Variants in GRAMD1B observed in about 807,000 individuals in gnomAD.
GRAMD1B encodes the protein GRAM domain containing 1B.
A neutral mutation model predicts 99.7 loss-of-function variants in GRAMD1B; 37 were observed. The observed-to-expected ratio is 0.37, with a 90% CI of 0.29 to 0.49. GRAMD1B has a LOEUF of 0.49. Ranked by LOEUF, GRAMD1B falls within the 20% of genes least tolerant of loss-of-function variation. The pLI is 0.98. For missense variants in GRAMD1B, 888 were observed against 1,009.2 expected (o/e 0.88, Z 1.63); for synonymous variants, 427 against 387.6 (o/e 1.10, Z -1.19).
At chr11:123,399,962 A>G (rs1197097929) in intron 1 of GRAMD1B, among the ~76,000 whole-genome samples, 1 of 152,004 alleles carries the variant, frequency 6.6e-6, no homozygotes, top group African/African-American at 2.4e-5. Flanking sequence ...GTAATATCTC[A>G]TTGTTGTTTT....
At chr11:123,598,784 A>C in intron 7 of GRAMD1B, 1 of 962,508 alleles carries the variant, frequency 1.0e-6, no homozygotes, top group Non-Finnish European at 1.7e-6. Context: ...GAAAGATCCC[A>C]TTCTCCCATT....
chr11:123,447,333 A>T (rs1949688364), intron 1 of GRAMD1B, among the ~76,000 whole-genome samples: 1 of 152,210 alleles, frequency 6.6e-6, no homozygotes, highest in African/African-American at 2.4e-5. Context: ...GTCTAGGGCC[A>T]TGAAGCTGGT....
At chr11:123,477,481 A>G (rs1343923948) in intron 1 of GRAMD1B, among the ~76,000 whole-genome samples, 1 of 151,790 alleles carries the variant, frequency 6.6e-6, no homozygotes, top group African/African-American at 2.4e-5. Context: ...TTGCAGTGTT[A>G]AGGCATCTTT....
intron 2 of GRAMD1B, among the ~76,000 whole-genome samples, chr11:123,563,363 G>A (rs2136038361): frequency 6.6e-6 from 1 of 152,236 alleles, no homozygotes; most frequent in Middle Eastern, 3.4e-3. Context: ...TCAGAGAATA[G>A]GTTTAAGGAA....
chr11:123,368,506 C>T (rs1946403034), intron 1 of GRAMD1B, among the ~76,000 whole-genome samples: 2 of 150,288 alleles, frequency 1.3e-5, no homozygotes, highest in African/African-American at 4.9e-5. Context: ...ATGGTGAAAC[C>T]CCATCTCTAC....
chr11:123,586,701 G>A (rs1950113800), intron 4 of GRAMD1B, among the ~76,000 whole-genome samples: 1 of 152,202 alleles, frequency 6.6e-6, no homozygotes, highest in African/African-American at 2.4e-5. Flanking sequence ...CCCTTGCCCT[G>A]CCCCTGCTGC....
intron 1 of GRAMD1B, among the ~76,000 whole-genome samples, chr11:123,469,210 C>T (rs913775854): frequency 6.6e-6 from 1 of 152,032 alleles, no homozygotes; most frequent in Non-Finnish European, 1.5e-5. Flanking sequence ...GCTGTTACTG[C>T]TCAGATAAGG....
intron 2 of GRAMD1B, among the ~76,000 whole-genome samples, chr11:123,549,163 A>G (rs1945359493): frequency 6.6e-6 from 1 of 152,222 alleles, no homozygotes. Flanking sequence ...TGTGGTCAGC[A>G]TGGCTGCCTT....
intron 2 of GRAMD1B, among the ~76,000 whole-genome samples, chr11:123,570,046 T>C (rs1947889388): frequency 6.6e-6 from 1 of 152,234 alleles, no homozygotes; most frequent in Admixed American, 6.5e-5. Flanking sequence ...TGGTGGACAC[T>C]GCACAGCTGT....
At chr11:123,382,747 G>A (rs545869592) in intron 1 of GRAMD1B, among the ~76,000 whole-genome samples, 1 of 152,208 alleles carries the variant, frequency 6.6e-6, no homozygotes, top group African/African-American at 2.4e-5. Flanking sequence ...CTCTTTAAAG[G>A]TGTGGGTAAA....
Position 123,610,122 on chromosome 11 carries a change from G to C in GRAMD1B, c.1777-74G>C, listed in dbSNP as rs557097177. ...AGCCGTGGGGTGGGGTGGGCTTGGG[G>C]AGGCTGGAGAAGGTGCTTTTCCAAG... On this transcript the variant is annotated intron_variant, in intron 13 of 19. Transcript: ENST00000635736. The surrounding 1 kb of genome is among the most constrained non-coding windows in gnomAD (Gnocchi z 4.1). The C allele has an allele frequency of 1.7e-5, 24 of 1,443,850 alleles. No individual in the cohort carries two copies. The South Asian group carries it at 2.8e-4, about 17-fold the overall frequency. The allele number at this position is 1,443,850 out of a possible 1,614,324, so 89.4% of individuals were successfully genotyped here. A position where few individuals can be genotyped will look rare whatever the true frequency, so the allele number is the denominator to read the frequency against.
At chr11:123,374,245 C>G (rs1946621921) in intron 1 of GRAMD1B, among the ~76,000 whole-genome samples, 1 of 152,146 alleles carries the variant, frequency 6.6e-6, no homozygotes. Flanking sequence ...TTCATTCTCC[C>G]CTGCCCCAGT....
Position 123,547,604 on chromosome 11 carries a change from G to A in GRAMD1B, c.453-29763G>A, listed in dbSNP as rs569883224. Among the ~76,000 whole-genome samples, 9 of 152,256 alleles carry A rather than the reference G, an allele frequency of 5.9e-5. No homozygotes were observed. In the South Asian group the frequency reaches 1.9e-3, roughly 32 times the overall value. ...AAAAAAAAGACCTTTCTCCCCTTTT[G>A]CTTCCCCTCTCTCTTCCTCCTCTGA... On this transcript the variant is annotated intron_variant, in intron 2 of 19. Coordinates refer to ENST00000635736, the MANE Select transcript of GRAMD1B (RefSeq NM_001387025.1).
chr11:123,598,222 C>T (rs906324724), intron 7 of GRAMD1B: 7 of 1,411,058 alleles, frequency 5.0e-6, no homozygotes, highest in Non-Finnish European at 7.0e-6. Flanking sequence ...GTAGTTTCCA[C>T]AGATCTCACA....
At chr11:123,468,584 A>G (rs1950822551) in intron 1 of GRAMD1B, among the ~76,000 whole-genome samples, 1 of 152,118 alleles carries the variant, frequency 6.6e-6, no homozygotes, top group Non-Finnish European at 1.5e-5. Flanking sequence ...CCTTGAGTCC[A>G]GGAGTTCAAG....
At chr11:123,542,902 C>T (rs1944684650) in intron 2 of GRAMD1B, among the ~76,000 whole-genome samples, 1 of 152,178 alleles carries the variant, frequency 6.6e-6, no homozygotes, top group South Asian at 2.1e-4. Flanking sequence ...GATCCACTCG[C>T]CTCAGCCTCC....
rs903410002 is a variant in GRAMD1B at position 123,627,001 on chromosome 11, T to A, written c.*4406T>A. 1.3e-5 allele frequency: 2 copies of A among 152,278 alleles called. No individual in the cohort carries two copies. The highest frequency in any genetic ancestry group is 4.8e-5 in the African/African-American group (2 of 41,446). 9.4% of individuals were successfully genotyped at this position (152,278 alleles called of 1,614,324 possible). A position where few individuals can be genotyped will look rare whatever the true frequency, so the allele number is the denominator to read the frequency against. ...TGTGAAGGGCCCAGCCAGCTCCCTG[T>A]TTTGATGTTCTGTGCAACAGCTCCG... On this transcript the variant is annotated 3_prime_UTR_variant, in exon 20 of 20. Coordinates refer to ENST00000635736, the MANE Select transcript of GRAMD1B (RefSeq NM_001387025.1).
chr11:123,583,462 G>C (rs1278713762), intron 3 of GRAMD1B, among the ~76,000 whole-genome samples: 1 of 152,100 alleles, frequency 6.6e-6, no homozygotes, highest in Admixed American at 6.5e-5. Context: ...GTATGAGTAT[G>C]TGTGTGTATA....
chr11:123,599,103 C>T (rs1291597529), intron 7 of GRAMD1B: 18 of 886,536 alleles, frequency 2.0e-5, no homozygotes, highest in South Asian at 2.6e-5. Context: ...TGGATTCTCT[C>T]GAGCCTTCAG....
Sources: gnomAD v4.1 joint callset for allele counts (sites outside exome capture counted in the v4.1 genomes callset) on GRCh38, gnomAD v4.1.1 for gene constraint, Gnocchi (gnomAD v3.1) non-coding constraint, MANE v1.5 for transcripts, NCBI Gene and HGNC (gene_info 2026-07-23, HGNC 2026-07-21) for gene names.